ALPL: variants seen among roughly 807,000 people sequenced by gnomAD.
ALPL encodes the protein alkaline phosphatase, biomineralization associated.
In ALPL, 42 loss-of-function variants were observed where a neutral mutation model predicts 51.3. That is an observed-to-expected ratio of 0.82 (90% confidence interval 0.64 to 1.06). The LOEUF is 1.06. Among genes scored for constraint, ALPL ranks in the 50% least tolerant of loss-of-function variants. The pLI is 0.00. For missense variants in ALPL, 589 were observed against 709.4 expected, an observed-to-expected ratio of 0.83 and a Z score of 1.93; for synonymous variants, 279 against 296.4, an observed-to-expected ratio of 0.94 and a Z score of 0.60.
chr1:21,574,588 A>T (rs564257749), intron 9 of ALPL: 4 of 152,342 alleles, frequency 2.6e-5, no homozygotes, highest in African/African-American at 9.6e-5. Flanking sequence ...ACGCATACAC[A>T]CATGCTCAGC....
chr1:21,532,706 G>A (rs116362710), intron 1 of ALPL, among the ~76,000 whole-genome samples: 1,838 of 152,206 alleles, frequency 0.012, 37 homozygotes, highest in African/African-American at 0.041. Context: ...AGACGTTCAC[G>A]GCTTCTGGAC....
At chr1:21,533,757 T>C (rs1644060247) in intron 1 of ALPL, among the ~76,000 whole-genome samples, 1 of 151,974 alleles carries the variant, frequency 6.6e-6, no homozygotes, top group African/African-American at 2.4e-5. Context: ...CGCCCATCTC[T>C]ACTAATAATA....
chr1:21,559,067 C>T (rs56019406), intron 2 of ALPL, among the ~76,000 whole-genome samples: 10,842 of 152,232 alleles, frequency 0.071, 421 homozygotes, highest in Middle Eastern at 0.15. Flanking sequence ...ACGGCCACTC[C>T]GAGAGCCAGG....
intron 1 of ALPL, among the ~76,000 whole-genome samples, chr1:21,524,677 C>T (rs1423017162): frequency 2.0e-5 from 3 of 152,150 alleles, no homozygotes; most frequent in Non-Finnish European, 4.4e-5. Context: ...TGGGTACACT[C>T]TTCTTGAACC....
intron 1 of ALPL, among the ~76,000 whole-genome samples, chr1:21,546,312 C>G (rs139351347): frequency 2.0e-5 from 3 of 152,230 alleles, no homozygotes; most frequent in African/African-American, 7.2e-5. Flanking sequence ...CTTTCCTTGG[C>G]ACCAAGAGGG....
intron 6 of ALPL, among the ~76,000 whole-genome samples, chr1:21,566,144 C>T (rs979391127): frequency 6.6e-6 from 1 of 152,066 alleles, no homozygotes; most frequent in African/African-American, 2.4e-5. Context: ...GACTCTGCCT[C>T]TCTGAACCAC....
chr1:21,566,901 G>A (rs566923957), intron 6 of ALPL, among the ~76,000 whole-genome samples: 13 of 152,244 alleles, frequency 8.5e-5, no homozygotes, highest in Admixed American at 2.0e-4. Context: ...CTGGCCAGTC[G>A]CATTTTATGG....
At chr1:21,565,819 AC>A (rs765563155) in intron 6 of ALPL, among the ~76,000 whole-genome samples, 547 of 151,300 alleles carry the variant, frequency 3.6e-3, no homozygotes, top group Non-Finnish European at 6.4e-3. Flanking sequence ...GAAAATAAAT[AC>A]TGTTGCTTAA....
At chr1:21,526,201 G>A (rs1335905995) in intron 1 of ALPL, among the ~76,000 whole-genome samples, 3 of 151,958 alleles carry the variant, frequency 2.0e-5, no homozygotes, top group South Asian at 4.2e-4. Flanking sequence ...GTGCCATAGC[G>A]CCATCTCGGC....
At chr1:21,531,020 G>A (rs368287768) in intron 1 of ALPL, among the ~76,000 whole-genome samples, 1 of 146,248 alleles carries the variant, frequency 6.8e-6, no homozygotes, top group African/African-American at 2.5e-5. Context: ...GTGCAGTGGT[G>A]CAATCTTGGC....
chr1:21,570,270 C>T, intron 7 of ALPL, 35 bp from the exon 8 acceptor site: 1 of 1,606,528 alleles, frequency 6.2e-7, no homozygotes, highest in South Asian at 1.1e-5. Flanking sequence ...CTCTCCCTAG[C>T]CCCCGGCATG....
chr1:21,555,148 G>C (rs867781827), intron 2 of ALPL, among the ~76,000 whole-genome samples: 5 of 151,394 alleles, frequency 3.3e-5, no homozygotes, highest in Admixed American at 3.3e-4. Context: ...GTTCTCTGGC[G>C]GGCAGGAGTG....
intron 1 of ALPL, among the ~76,000 whole-genome samples, chr1:21,515,884 T>TGTG (rs1553404494): frequency 7.1e-6 from 1 of 141,518 alleles, no homozygotes; most frequent in African/African-American, 2.6e-5. Context: ...TTGTTGTTGT[T>TGTG]TTTTGAGACA....
chr1:21,574,551 G>T (rs1427245089), intron 9 of ALPL: 1 of 152,328 alleles, frequency 6.6e-6, no homozygotes, highest in Non-Finnish European at 1.5e-5. Context: ...ATGCACACAC[G>T]TGAACATGTT....
chr1:21,576,579 G>C lies in ALPL; in HGVS notation c.1247G>C (p.Gly416Ala). 1 of 1,613,982 alleles carries C rather than the reference G, an allele frequency of 6.2e-7. No individual in the cohort carries two copies. Among genetic ancestry groups the C allele is most frequent in the African/African-American group, 1.3e-5 (1 of 75,010 alleles). The change falls in exon 11 of 12, where the codon GGC becomes GCC. Residue 416 changes from glycine (G) to alanine (A), a missense_variant. Physicochemically the swap from Gly to Ala is moderately conservative, Grantham distance 60. Coordinates refer to ENST00000374840, the MANE Select transcript of ALPL (RefSeq NM_000478.6). The stretch of plus-strand genomic sequence containing the variant: ...AAGCCCTTCACTGCCATCCTGTATG[G>C]CAATGGGCCTGGCTACAAGGTGGTG... ...DKKPFTAILY[G>A]NGPGYKVVGG...
chr1:21,539,053 A>C (rs1644147388), intron 1 of ALPL, among the ~76,000 whole-genome samples: 1 of 152,246 alleles, frequency 6.6e-6, no homozygotes, highest in African/African-American at 2.4e-5. Flanking sequence ...TTCATCTGCA[A>C]AAGTATAATG....
chr1:21,541,679 G>A (rs1644186613), intron 1 of ALPL, among the ~76,000 whole-genome samples: 2 of 152,196 alleles, frequency 1.3e-5, no homozygotes, highest in South Asian at 4.1e-4. Context: ...GGGAGCTTGG[G>A]GAGGAGCCGA....
chr1:21,573,172 G>A (rs137987486), intron 8 of ALPL, among the ~76,000 whole-genome samples: 14 of 152,314 alleles, frequency 9.2e-5, no homozygotes, highest in Non-Finnish European at 1.9e-4. Flanking sequence ...GGAGGCTCAC[G>A]CCTGTAATCC....
chr1:21,553,183 C>T (rs913145960), intron 1 of ALPL, among the ~76,000 whole-genome samples: 4 of 150,702 alleles, frequency 2.7e-5, no homozygotes, highest in Admixed American at 6.6e-5. Flanking sequence ...TCAATTACAT[C>T]CGACTTTAAA....
Sources: allele counts gnomAD v4.1 joint callset (sites outside exome capture counted in the v4.1 genomes callset), GRCh38; gene constraint gnomAD v4.1.1; transcripts MANE v1.5; gene names NCBI Gene and HGNC (gene_info 2026-07-23, HGNC 2026-07-21).